The following PRTFDC1 variants were observed in gnomAD, a reference collection of about 807,000 sequenced individuals.
PRTFDC1 encodes the protein phosphoribosyl transferase domain containing 1, also known as phosphoribosyltransferase domain-containing protein 1.
Under a neutral mutation model 34.6 loss-of-function variants are expected in PRTFDC1, and 38 were observed. That is an observed-to-expected ratio of 1.10 (90% CI 0.85 to 1.44). The LOEUF is 1.44. Among genes scored for constraint, PRTFDC1 ranks in the 40% most tolerant of loss-of-function variants. The pLI, the probability that PRTFDC1 is intolerant of heterozygous loss-of-function variation, is 0.00. For synonymous variants in PRTFDC1, 93 were observed against 98.1 expected (o/e 0.95, Z 0.31); for missense variants, 270 against 283.0 (o/e 0.95, Z 0.33).
At chr10:24,902,076 G>A (rs1416360126) in intron 3 of PRTFDC1, among the ~76,000 whole-genome samples, 1 of 152,148 alleles carries the variant, frequency 6.6e-6, no homozygotes, top group Admixed American at 6.5e-5. Context: ...AGTGGTTACT[G>A]GCAGTGAAAA....
chr10:24,937,426 T>C (rs1226362729), intron 2 of PRTFDC1, 59 bp from the exon 3 acceptor site: 1 of 1,463,492 alleles, frequency 6.8e-7, no homozygotes, highest in Non-Finnish European at 9.3e-7. Flanking sequence ...TTATGTTGCT[T>C]TAATGAAATG....
intron 4 of PRTFDC1, among the ~76,000 whole-genome samples, chr10:24,870,633 G>A (rs1386537599): frequency 6.6e-6 from 1 of 152,178 alleles, no homozygotes; most frequent in Non-Finnish European, 1.5e-5. Context: ...AGCTTTCTAG[G>A]ATGTTGTTTT....
intron 2 of PRTFDC1, among the ~76,000 whole-genome samples, chr10:24,939,259 C>T (rs1849107920): frequency 7.2e-6 from 1 of 139,742 alleles, no homozygotes; most frequent in Non-Finnish European, 1.5e-5. Flanking sequence ...CCAGACTGTG[C>T]TATTGCACTC....
rs143395795 is a variant in PRTFDC1 at position 24,937,132 on chromosome 10, C to T, written c.339+52G>A. The T allele has an allele frequency of 1.4e-3, 2,086 of 1,443,082 alleles. 17 individuals are homozygous for T. Among genetic ancestry groups the T allele is most frequent in the South Asian group, 7.8e-3 (590 of 75,712 alleles). The allele number at this position is 1,443,082 out of a possible 1,614,324, so 89.4% of individuals were successfully genotyped here. A position where few individuals can be genotyped will look rare whatever the true frequency, so the allele number is the denominator to read the frequency against. On this transcript the variant is annotated intron_variant, in intron 3 of 8. Transcript: ENST00000320152. Reference sequence around the variant, plus strand: ...TTCATAACATTATTGATTCTTTTATCCTAAAGCATTGTTAAATGAAATGTC... The same window carrying T: ...TTCATAACATTATTGATTCTTTTATTCTAAAGCATTGTTAAATGAAATGTC...
intron 3 of PRTFDC1, among the ~76,000 whole-genome samples, chr10:24,915,676 T>G (rs533408235): frequency 1.4e-4 from 21 of 152,354 alleles, no homozygotes; most frequent in Admixed American, 7.8e-4. Context: ...TCTTCTTACT[T>G]GTTCTATTAA....
At chr10:24,871,898 C>A in intron 4 of PRTFDC1, 100 bp downstream of exon 4, 3 of 990,002 alleles carry the variant, frequency 3.0e-6, no homozygotes, top group Non-Finnish European at 1.5e-6. Context: ...TTGGAAAACC[C>A]GGGAGCATGT....
intron 3 of PRTFDC1, among the ~76,000 whole-genome samples, chr10:24,918,851 C>T (rs1848737299): frequency 6.6e-6 from 1 of 152,134 alleles, no homozygotes; most frequent in Non-Finnish European, 1.5e-5. Flanking sequence ...AAAATGAGTT[C>T]CTTGCCAAAG....
At position 24,952,412 on chromosome 10, in the gene PRTFDC1, G is replaced by T; in HGVS notation, c.48+116C>A. On this transcript the variant is annotated intron_variant, in intron 1 of 8. Transcript: ENST00000320152. This position sits in a 1 kb window ranked among gnomAD's most constrained non-coding sequence, Gnocchi z 5.1. ...TGGAAGCGATCCCCGCCGGGAGGGA[G>T]AACAAAGCGGTGGCCCTCTCTCTCC... The T allele has an allele frequency of 8.2e-7, 1 of 1,226,466 alleles. No individual in the cohort carries two copies. The highest frequency in any genetic ancestry group is 1.2e-6 in the Non-Finnish European group (1 of 858,484). 76.0% of individuals were successfully genotyped at this position (1,226,466 alleles called of 1,614,324 possible). A position where few individuals can be genotyped will look rare whatever the true frequency, so the allele number is the denominator to read the frequency against.
chr10:24,908,790 A>G, intron 3 of PRTFDC1: 2 of 1,424,060 alleles, frequency 1.4e-6, no homozygotes, highest in Non-Finnish European at 1.8e-6. Flanking sequence ...GACTGATGCC[A>G]CAGCCAGATA....
At chr10:24,942,640 A>ATTTGT (rs1849182173) in intron 1 of PRTFDC1, among the ~76,000 whole-genome samples, 2 of 152,072 alleles carry the variant, frequency 1.3e-5, no homozygotes, top group Admixed American at 1.3e-4. Context: ...ATCATAAAAT[A>ATTTGT]TTTGTTTTGT....
chr10:24,896,596 T>C (rs1848368806), intron 3 of PRTFDC1, among the ~76,000 whole-genome samples: 1 of 152,174 alleles, frequency 6.6e-6, no homozygotes, highest in South Asian at 2.1e-4. Context: ...GAGAAAAAGA[T>C]GAAAGCAAAT....
intron 1 of PRTFDC1, among the ~76,000 whole-genome samples, chr10:24,945,661 T>C (rs545526048): frequency 1.2e-4 from 19 of 152,270 alleles, no homozygotes; most frequent in Admixed American, 9.2e-4. Flanking sequence ...CTGGCTATGT[T>C]GCCCAGGCTG....
chr10:24,902,575 A>G (rs2132555516), intron 3 of PRTFDC1, among the ~76,000 whole-genome samples: 1 of 152,328 alleles, frequency 6.6e-6, no homozygotes, highest in African/African-American at 2.4e-5. Context: ...TTGCAGTGCA[A>G]ACTGTCTTAG....
At chr10:24,918,276 C>A (rs1387170989) in intron 3 of PRTFDC1, among the ~76,000 whole-genome samples, 1 of 152,136 alleles carries the variant, frequency 6.6e-6, no homozygotes, top group Non-Finnish European at 1.5e-5. Flanking sequence ...GTTCTCTGGA[C>A]CTGCTGTCTT....
chr10:24,891,239 G>T, intron 3 of PRTFDC1, among the ~76,000 whole-genome samples: 2 of 152,046 alleles, frequency 1.3e-5, no homozygotes, highest in South Asian at 2.1e-4. Flanking sequence ...TAAAATTCAT[G>T]ATATATCATG....
intron 2 of PRTFDC1, among the ~76,000 whole-genome samples, chr10:24,939,556 G>A (rs557484123): frequency 6.7e-4 from 102 of 151,618 alleles, no homozygotes; most frequent in Non-Finnish European, 1.4e-3. Context: ...ACTTTGGGAG[G>A]CCAAGGCAGG....
At chr10:24,950,683 T>A (rs1448172190) in intron 1 of PRTFDC1, among the ~76,000 whole-genome samples, 1 of 151,584 alleles carries the variant, frequency 6.6e-6, no homozygotes, top group Non-Finnish European at 1.5e-5. Flanking sequence ...GCACCCACCA[T>A]GCTGCCTGCC....
intron 3 of PRTFDC1, among the ~76,000 whole-genome samples, chr10:24,890,966 G>A (rs571631453): frequency 9.9e-5 from 15 of 152,164 alleles, no homozygotes; most frequent in Non-Finnish European, 1.0e-4. Context: ...GATGCTCTGT[G>A]GTAACTGCAG....
intron 1 of PRTFDC1, among the ~76,000 whole-genome samples, chr10:24,949,267 T>G (rs1001769954): frequency 6.6e-6 from 1 of 152,036 alleles, no homozygotes; most frequent in African/African-American, 2.4e-5. Flanking sequence ...GTTTTGTATT[T>G]TTTGTAGAGA....
Sources: gnomAD v4.1 joint callset for allele counts (sites outside exome capture counted in the v4.1 genomes callset) on GRCh38, gnomAD v4.1.1 for gene constraint, Gnocchi (gnomAD v3.1) non-coding constraint, MANE v1.5 for transcripts, NCBI Gene and HGNC (gene_info 2026-07-23, HGNC 2026-07-21) for gene names.